The following TRPM3 variants were observed in gnomAD, a reference collection of about 807,000 sequenced individuals.
TRPM3 encodes the protein long transient receptor potential channel 3.
In TRPM3, 77 loss-of-function variants were observed where a neutral mutation model predicts 181.2. The observed-to-expected ratio is 0.42, with a 90% confidence interval of 0.35 to 0.51. The LOEUF (loss-of-function observed/expected upper bound fraction) is 0.51, where lower values mean the gene tolerates loss of function less well. Ranked by LOEUF, TRPM3 falls within the 20% of genes least tolerant of loss-of-function variation. TRPM3 has a pLI of 0.01. For missense variants in TRPM3, 1,759 were observed against 2,196.7 expected (o/e 0.80, Z 3.98); for synonymous variants, 745 against 796.4 (o/e 0.94, Z 1.09).
At chr9:70,894,755 T>C (rs1388703633) in intron 1 of TRPM3, among the ~76,000 whole-genome samples, 1 of 152,168 alleles carries the variant, frequency 6.6e-6, no homozygotes, top group Admixed American at 6.5e-5. Flanking sequence ...ACTCAACAGT[T>C]TGCTACGTAA....
At chr9:70,819,045 T>C (rs1326290169) in intron 6 of TRPM3, among the ~76,000 whole-genome samples, 1 of 152,180 alleles carries the variant, frequency 6.6e-6, no homozygotes, top group South Asian at 2.1e-4. Flanking sequence ...AAGGGTATGG[T>C]CTTGACAAGT....
chr9:71,174,269 C>G (rs1360808551), intron 1 of TRPM3, among the ~76,000 whole-genome samples: 2 of 151,984 alleles, frequency 1.3e-5, no homozygotes, highest in Non-Finnish European at 1.5e-5. Context: ...TGGCGGGGTA[C>G]AGTGGTTCAG....
At chr9:71,311,399 T>A (rs2087918026) in intron 1 of TRPM3, among the ~76,000 whole-genome samples, 1 of 152,084 alleles carries the variant, frequency 6.6e-6, no homozygotes, top group Admixed American at 6.6e-5. Context: ...CAGTGTAGCA[T>A]TGACAAAATA....
chr9:71,180,274 C>G (rs1356475821), intron 1 of TRPM3, among the ~76,000 whole-genome samples: 1 of 151,940 alleles, frequency 6.6e-6, no homozygotes, highest in East Asian at 1.9e-4. Flanking sequence ...AGGCTGGTCT[C>G]AAACTCCTGA....
At chr9:71,293,054 T>C (rs924965672) in intron 1 of TRPM3, among the ~76,000 whole-genome samples, 1 of 151,916 alleles carries the variant, frequency 6.6e-6, no homozygotes, top group African/African-American at 2.4e-5. Flanking sequence ...GTCTACATAT[T>C]CATCTCAATA....
chr9:70,676,671 T>A (rs1402420120), intron 9 of TRPM3, among the ~76,000 whole-genome samples: 1 of 152,194 alleles, frequency 6.6e-6, no homozygotes, highest in East Asian at 1.9e-4. Context: ...AATCTCACTC[T>A]TGAGGTATCT....
At chr9:70,741,264 C>A (rs1388467120) in intron 8 of TRPM3, among the ~76,000 whole-genome samples, 2 of 152,084 alleles carry the variant, frequency 1.3e-5, no homozygotes, top group African/African-American at 4.8e-5. Context: ...CAATGCAATA[C>A]CACCTTACTC....
At chr9:70,675,702 A>G (rs1473067507) in intron 9 of TRPM3, among the ~76,000 whole-genome samples, 2 of 152,174 alleles carry the variant, frequency 1.3e-5, no homozygotes, top group African/African-American at 4.8e-5. Flanking sequence ...ATCAGCTATT[A>G]TTCATAGCTA....
At chr9:71,008,230 A>G (rs1005044412) in intron 1 of TRPM3, among the ~76,000 whole-genome samples, 9 of 152,146 alleles carry the variant, frequency 5.9e-5, no homozygotes, top group Non-Finnish European at 1.3e-4. Flanking sequence ...AAAAATAGAA[A>G]ACGTGAACAG....
chr9:71,384,554 G>T (rs560507863), intron 1 of TRPM3, among the ~76,000 whole-genome samples: 70 of 152,242 alleles, frequency 4.6e-4, no homozygotes, highest in African/African-American at 1.6e-3. Flanking sequence ...CATCTTTCTA[G>T]CCCGAAAATT....
chr9:71,024,802 T>G (rs536898578), intron 1 of TRPM3, among the ~76,000 whole-genome samples: 3 of 152,310 alleles, frequency 2.0e-5, no homozygotes, highest in Admixed American at 6.5e-5. Flanking sequence ...AGTTTCCTAC[T>G]TTTTCCTTGT....
intron 11 of TRPM3, among the ~76,000 whole-genome samples, chr9:70,637,194 C>G (rs188159872): frequency 6.6e-6 from 1 of 152,232 alleles, no homozygotes. Flanking sequence ...GGGCAAGCAA[C>G]TTAACTGTGA....
chr9:70,968,191 A>G (rs73468158), intron 1 of TRPM3, among the ~76,000 whole-genome samples: 4,855 of 152,258 alleles, frequency 0.032, 267 homozygotes, highest in African/African-American at 0.11. Flanking sequence ...ATTGAGCCAT[A>G]TAATAGGTAT....
Position 70,864,327 on chromosome 9 carries a change from T to TTTG in TRPM3, c.257+104_257+105insCAA, listed in dbSNP as rs202019346. On this transcript the variant is annotated intron_variant, in intron 2 of 25. Coordinates refer to ENST00000677713, the MANE Select transcript of TRPM3 (RefSeq NM_001366145.2). ...AGATGTCCAGAAACAATATAAAAGA[T>TTTG]ATTTAATTTGACAGTGTTTCCCTTG... The TTTG allele has an allele frequency of 1.5e-3, 1,038 of 713,174 alleles. 21 individuals are homozygous for TTTG. In the East Asian group the frequency reaches 0.028, roughly 19 times the overall value. The allele number at this position is 713,174 out of a possible 1,614,324, so 44.2% of individuals were successfully genotyped here. A position where few individuals can be genotyped will look rare whatever the true frequency, so the allele number is the denominator to read the frequency against.
At chr9:70,589,986 G>A (rs2057845247) in intron 22 of TRPM3, among the ~76,000 whole-genome samples, 1 of 152,098 alleles carries the variant, frequency 6.6e-6, no homozygotes. Flanking sequence ...CTCTTAATAA[G>A]CTATACTACC....
intron 1 of TRPM3, among the ~76,000 whole-genome samples, chr9:71,352,890 T>C (rs921088116): frequency 6.6e-6 from 1 of 152,102 alleles, no homozygotes; most frequent in Non-Finnish European, 1.5e-5. Flanking sequence ...TCCAACACGA[T>C]TCGAAACTCC....
chr9:70,930,216 T>C (rs1323411462), intron 1 of TRPM3, among the ~76,000 whole-genome samples: 2 of 152,150 alleles, frequency 1.3e-5, no homozygotes, highest in Non-Finnish European at 2.9e-5. Context: ...AGAAATATAG[T>C]CATATTTGTA....
intron 1 of TRPM3, among the ~76,000 whole-genome samples, chr9:71,022,602 G>A (rs538288724): frequency 2.0e-5 from 3 of 152,232 alleles, no homozygotes; most frequent in Non-Finnish European, 2.9e-5. Context: ...GGAGACAGAG[G>A]TGGGAGGATA....
chr9:71,434,032 A>C (rs1324656864), intron 1 of TRPM3, among the ~76,000 whole-genome samples: 1 of 152,012 alleles, frequency 6.6e-6, no homozygotes, highest in Non-Finnish European at 1.5e-5. Flanking sequence ...GGTGGCGCGC[A>C]CCTGTAGTCC....
Sources: allele counts gnomAD v4.1 joint callset (sites outside exome capture counted in the v4.1 genomes callset), GRCh38; gene constraint gnomAD v4.1.1; transcripts MANE v1.5; gene names NCBI Gene and HGNC (gene_info 2026-07-23, HGNC 2026-07-21).